Variants in PPP1R3B observed in about 807,000 individuals in gnomAD.
The protein encoded by PPP1R3B is protein phosphatase 1 regulatory subunit 3B, also known as PP1 subunit R4.
PPP1R3B carries 8 observed loss-of-function variants against 14.6 expected under a neutral mutation model. The observed-to-expected ratio is 0.55, with a 90% CI of 0.32 to 0.99. PPP1R3B has a LOEUF of 0.99. Ranked by LOEUF, PPP1R3B falls within the 50% of genes least tolerant of loss-of-function variation. The pLI is 0.04. For synonymous variants in PPP1R3B, 169 were observed against 142.0 expected (o/e 1.19, Z -1.35); for missense variants, 452 against 360.1 (o/e 1.26, Z -2.07).
intron 1 of PPP1R3B, among the ~76,000 whole-genome samples, chr8:9,150,202 A>G (rs929292148): frequency 2.0e-5 from 3 of 151,578 alleles, no homozygotes; most frequent in African/African-American, 7.3e-5. Flanking sequence ...CTTCTGCTGC[A>G]CCCTGGGTCT....
chr8:9,141,415 G>C lies in PPP1R3B; in HGVS notation c.237C>G (p.Phe79Leu), dbSNP rs926428644. The part of the protein sequence containing the change: ...QGLALTMVKV[F>L]SEFDDPLDMP... ...TATCTAGCGGGTCATCGAATTCCGAGAACACTTTGACCATTGTCAGGGCCA... is the reference window on the plus strand; with the variant it reads ...TATCTAGCGGGTCATCGAATTCCGACAACACTTTGACCATTGTCAGGGCCA... Residue 79 changes from phenylalanine (F) to leucine (L), a missense_variant, in exon 2 of 2, where the codon TTC becomes TTG. Transcript: ENST00000310455. 2 of 1,614,086 alleles carry C rather than the reference G, an allele frequency of 1.2e-6. No homozygotes were observed. The highest frequency in any genetic ancestry group is 8.5e-7 in the Non-Finnish European group (1 of 1,180,050).
chr8:9,143,163 A>C (rs972472996), intron 1 of PPP1R3B, among the ~76,000 whole-genome samples: 62 of 152,186 alleles, frequency 4.1e-4, no homozygotes, highest in Non-Finnish European at 1.8e-4. Flanking sequence ...CGTCTTTGCC[A>C]ATACTTATTT....
chr8:9,143,466 G>C (rs1214630326), intron 1 of PPP1R3B, among the ~76,000 whole-genome samples: 1 of 152,184 alleles, frequency 6.6e-6, no homozygotes, highest in African/African-American at 2.4e-5. Context: ...ACTTTGGGAG[G>C]CTGGGCAGGT....
At chr8:9,141,928 C>G (rs949675692) in intron 1 of PPP1R3B, 6 of 352,136 alleles carry the variant, frequency 1.7e-5, no homozygotes, top group Non-Finnish European at 2.6e-5. Flanking sequence ...ATGAAACCCA[C>G]TAGTTTTAAA....
chr8:9,149,493 C>G (rs774965345), intron 1 of PPP1R3B, among the ~76,000 whole-genome samples: 8 of 152,076 alleles, frequency 5.3e-5, no homozygotes, highest in Non-Finnish European at 8.8e-5. Context: ...GACAGAGCGA[C>G]ACTCCGTCTC....
rs999398558 is a variant in PPP1R3B, at chr8:9,140,623, C to A, written c.*171G>T. On this transcript the variant is annotated 3_prime_UTR_variant, in exon 2 of 2. Coordinates refer to ENST00000310455, the MANE Select transcript of PPP1R3B (RefSeq NM_024607.4). ...TGAGACACTGGTTGTGTAATCTGAA[C>A]CTGGCTGGATTTGCTGTTTAAGAAA... is the stretch of plus-strand genomic sequence containing the variant. 2.8e-6 allele frequency: 2 copies of A among 709,180 alleles called. No individual in the cohort carries two copies. Among genetic ancestry groups the A allele is most frequent in the African/African-American group, 1.8e-5 (1 of 56,062 alleles). The allele number at this position is 709,180 out of a possible 1,614,324, so 43.9% of individuals were successfully genotyped here. A position where few individuals can be genotyped will look rare whatever the true frequency, so the allele number is the denominator to read the frequency against.
chr8:9,150,959 C>A (rs1376867991), upstream of PPP1R3B, among the ~76,000 whole-genome samples: 1 of 152,230 alleles, frequency 6.6e-6, no homozygotes, highest in Non-Finnish European at 1.5e-5. Flanking sequence ...AGCTCCAAAC[C>A]CCACTACCCA....
At chr8:9,143,882 C>T (rs146758273) in intron 1 of PPP1R3B, among the ~76,000 whole-genome samples, 5 of 151,714 alleles carry the variant, frequency 3.3e-5, no homozygotes, top group South Asian at 2.1e-4. Context: ...TAAGTAAAAA[C>T]GATAAGTAAA....
chr8:9,140,241 A>G lies in PPP1R3B; in HGVS notation c.*553T>C, dbSNP rs1334268003. On this transcript the variant is annotated 3_prime_UTR_variant, in exon 2 of 2. Coordinates refer to ENST00000310455, the MANE Select transcript of PPP1R3B (RefSeq NM_024607.4). ...AAAACATGAACTTGCAGAAAACAAG[A>G]GCCAATCCCATTTCTCTTCTGCAGC... The G allele has an allele frequency of 6.3e-6, 1 of 158,560 alleles. No homozygotes were observed. Among genetic ancestry groups the G allele is most frequent in the Non-Finnish European group, 1.4e-5 (1 of 71,228 alleles). 9.8% of individuals were successfully genotyped at this position (158,560 alleles called of 1,614,324 possible). A position where few individuals can be genotyped will look rare whatever the true frequency, so the allele number is the denominator to read the frequency against.
intron 1 of PPP1R3B, among the ~76,000 whole-genome samples, chr8:9,143,679 G>A (rs1801155801): frequency 1.3e-5 from 2 of 152,084 alleles, no homozygotes; most frequent in South Asian, 4.1e-4. Context: ...CTGGGCCACA[G>A]AGCAAGACTC....
rs987685464 is a variant in PPP1R3B at position 9,138,446 on chromosome 8, G to A, written c.*2348C>T. The A allele has an allele frequency of 6.6e-6, 1 of 152,166 alleles. No homozygotes were observed. Among genetic ancestry groups the A allele is most frequent in the African/African-American group, 2.4e-5 (1 of 41,440 alleles). The allele number at this position is 152,166 out of a possible 1,614,324, so 9.4% of individuals were successfully genotyped here. ...TAAGAATTACATCGAATAGCCTTAAGAGCATTTAAAAAGTCAAGGCATCTT... is the reference window on the plus strand; with the variant it reads ...TAAGAATTACATCGAATAGCCTTAAAAGCATTTAAAAAGTCAAGGCATCTT... On this transcript the variant is annotated 3_prime_UTR_variant, in exon 2 of 2. Transcript: ENST00000310455.
In PPP1R3B at chr8:9,137,404, C is replaced by G. The variant is rs758266160; in HGVS notation, c.*3390G>C. The G allele has an allele frequency of 1.3e-5, 2 of 152,164 alleles. No individual in the cohort carries two copies. Among genetic ancestry groups the G allele is most frequent in the African/African-American group, 4.8e-5 (2 of 41,438 alleles). 9.4% of individuals were successfully genotyped at this position (152,164 alleles called of 1,614,324 possible). The stretch of plus-strand genomic sequence containing the variant: ...TTTCTGGGGCAACCTGGGAAAGATT[C>G]TGGGACTCGGGGGCCACTTGTAACC... On this transcript the variant is annotated 3_prime_UTR_variant, in exon 2 of 2. Coordinates refer to ENST00000310455, the MANE Select transcript of PPP1R3B (RefSeq NM_024607.4).
In PPP1R3B at chr8:9,139,298, G is replaced by C. The variant is rs189828937; in HGVS notation, c.*1496C>G. ...AGAACAATGAATCTCTGAAATTTCA[G>C]AGTTGGCAAACGTTTAAAATAACGT... On this transcript the variant is annotated 3_prime_UTR_variant, in exon 2 of 2. Coordinates refer to ENST00000310455, the MANE Select transcript of PPP1R3B (RefSeq NM_024607.4). The C allele has an allele frequency of 3.3e-5, 5 of 152,300 alleles. No individual in the cohort carries two copies. The highest frequency in any genetic ancestry group is 5.9e-5 in the Non-Finnish European group (4 of 68,028). The allele number at this position is 152,300 out of a possible 1,614,324, so 9.4% of individuals were successfully genotyped here.
At chr8:9,141,812 C>G in intron 1 of PPP1R3B, 144 bp from the exon 2 acceptor site, 2 of 722,620 alleles carry the variant, frequency 2.8e-6, no homozygotes, top group Non-Finnish European at 4.3e-6. Context: ...AGGATTAACT[C>G]TGGTGTGGTC....
At chr8:9,148,810 A>G (rs918581201) in intron 1 of PPP1R3B, among the ~76,000 whole-genome samples, 4 of 152,144 alleles carry the variant, frequency 2.6e-5, no homozygotes, top group African/African-American at 9.7e-5. Context: ...TGTACCTTTC[A>G]TAGGGAGGAA....
At chr8:9,144,333 A>C (rs915724374) in intron 1 of PPP1R3B, among the ~76,000 whole-genome samples, 1 of 151,664 alleles carries the variant, frequency 6.6e-6, no homozygotes, top group Non-Finnish European at 1.5e-5. Flanking sequence ...GACCACAGGC[A>C]TGAGCCACCA....
intron 1 of PPP1R3B, among the ~76,000 whole-genome samples, chr8:9,144,003 T>G (rs1801163030): frequency 6.6e-6 from 1 of 151,938 alleles, no homozygotes; most frequent in South Asian, 2.1e-4. Context: ...AAGTCAAATA[T>G]TCCACATAGA....
rs977610511 is a variant in PPP1R3B at position 9,138,670 on chromosome 8, C to A, written c.*2124G>T. On this transcript the variant is annotated 3_prime_UTR_variant, in exon 2 of 2. Coordinates refer to ENST00000310455, the MANE Select transcript of PPP1R3B (RefSeq NM_024607.4). ...TTGAAAAGCCTGACAACTCTGCCTC[C>A]AAATCCAGGCAACTGTGCTTCCACT... The A allele has an allele frequency of 2.0e-5, 3 of 152,204 alleles. No homozygotes were observed. The highest frequency in any genetic ancestry group is 7.2e-5 in the African/African-American group (3 of 41,438). 9.4% of individuals were successfully genotyped at this position (152,204 alleles called of 1,614,324 possible).
intron 1 of PPP1R3B, among the ~76,000 whole-genome samples, chr8:9,144,570 T>C (rs1801178339): frequency 6.6e-6 from 1 of 152,156 alleles, no homozygotes; most frequent in Non-Finnish European, 1.5e-5. Flanking sequence ...TAATATCACA[T>C]AGAGACATTT....
Sources: allele counts gnomAD v4.1 joint callset (sites outside exome capture counted in the v4.1 genomes callset), GRCh38; gene constraint gnomAD v4.1.1; transcripts MANE v1.5; gene names NCBI Gene and HGNC (gene_info 2026-07-23, HGNC 2026-07-21).